The following CNTN4 variants were observed in gnomAD, a reference collection of about 807,000 sequenced individuals.
CNTN4 encodes the protein contactin-4.
A neutral mutation model predicts 122.5 loss-of-function variants in CNTN4; 77 were observed. That is an observed-to-expected ratio of 0.63 (90% confidence interval 0.52 to 0.76). The LOEUF (loss-of-function observed/expected upper bound fraction) is 0.76, where lower values mean the gene tolerates loss of function less well. Ranked by LOEUF, CNTN4 falls within the 30% of genes least tolerant of loss-of-function variation. The probability of loss-of-function intolerance (pLI) is 0.00; values close to 1 mark genes in which losing one functional copy is unlikely to be tolerated. For synonymous variants in CNTN4, 512 were observed against 447.0 expected (o/e 1.15, Z -1.83); for missense variants, 1,256 against 1,259.1 (o/e 1.00, Z 0.04).
intron 2 of CNTN4, among the ~76,000 whole-genome samples, chr3:2,150,833 A>C (rs939613982): frequency 6.6e-6 from 1 of 152,164 alleles, no homozygotes; most frequent in Non-Finnish European, 1.5e-5. Flanking sequence ...TAATTTCTTA[A>C]AGCTTGCCCT....
chr3:2,377,613 G>C (rs1042112817), intron 3 of CNTN4, among the ~76,000 whole-genome samples: 2 of 152,214 alleles, frequency 1.3e-5, no homozygotes, highest in African/African-American at 2.4e-5. Context: ...CTCTGAAGCT[G>C]AGACAGTAAA....
chr3:2,662,233 T>C (rs529228382), intron 4 of CNTN4, among the ~76,000 whole-genome samples: 1 of 152,330 alleles, frequency 6.6e-6, no homozygotes, highest in East Asian at 1.9e-4. Context: ...CACCTTGCTG[T>C]TGAAGAGTAG....
rs28649100 is a variant in CNTN4, at chr3:2,970,132, C to T, written c.1359-18213C>T. ...TAAGAGAGACAGTCTTGCTCTGTCG[C>T]CCAGGCTGGAGTGCAGCAGCAGCAT... On this transcript the variant is annotated intron_variant, in intron 13 of 24. Coordinates refer to ENST00000418658, the MANE Select transcript of CNTN4 (RefSeq NM_175607.3). Among the ~76,000 whole-genome samples, 583 of 151,790 alleles carry T rather than the reference C, an allele frequency of 3.8e-3. 6 individuals are homozygous for T. The highest frequency in any genetic ancestry group is 0.013 in the African/African-American group (528 of 41,502).
At chr3:2,586,091 C>T (rs2080190911) in intron 4 of CNTN4, among the ~76,000 whole-genome samples, 1 of 151,978 alleles carries the variant, frequency 6.6e-6, no homozygotes, top group Non-Finnish European at 1.5e-5. Flanking sequence ...AATATTGGTA[C>T]CTCTGTACCT....
chr3:2,166,825 A>C (rs2036214070), intron 2 of CNTN4, among the ~76,000 whole-genome samples: 1 of 152,164 alleles, frequency 6.6e-6, no homozygotes, highest in Non-Finnish European at 1.5e-5. Flanking sequence ...TTATATATTT[A>C]AAGATTACCA....
intron 3 of CNTN4, among the ~76,000 whole-genome samples, chr3:2,476,490 A>G (rs561549830): frequency 1.3e-5 from 2 of 152,366 alleles, no homozygotes; most frequent in Admixed American, 1.3e-4. Flanking sequence ...CTGTTCAGCA[A>G]TAAAAGGAAC....
intron 2 of CNTN4, among the ~76,000 whole-genome samples, chr3:2,173,202 A>G (rs769420256): frequency 1.3e-5 from 2 of 152,226 alleles, no homozygotes; most frequent in Non-Finnish European, 2.9e-5. Flanking sequence ...AAGAACTCCT[A>G]ACGAGGACAC....
intron 4 of CNTN4, among the ~76,000 whole-genome samples, chr3:2,699,285 G>C (rs1420034412): frequency 6.6e-6 from 1 of 152,068 alleles, no homozygotes; most frequent in African/African-American, 2.4e-5. Flanking sequence ...ATGTGTTTTT[G>C]TGATGGTTTC....
At chr3:2,450,749 C>G (rs753089479) in intron 3 of CNTN4, among the ~76,000 whole-genome samples, 1 of 152,236 alleles carries the variant, frequency 6.6e-6, no homozygotes, top group Non-Finnish European at 1.5e-5. Context: ...AAAGCCCCCA[C>G]TTTGAATTAA....
chr3:2,563,779 A>C (rs2079050031), intron 3 of CNTN4, among the ~76,000 whole-genome samples: 1 of 152,190 alleles, frequency 6.6e-6, no homozygotes, highest in African/African-American at 2.4e-5. Flanking sequence ...AATACTTATT[A>C]AAAATGATGG....
intron 2 of CNTN4, among the ~76,000 whole-genome samples, chr3:2,328,984 C>T (rs1184289248): frequency 2.0e-5 from 3 of 152,018 alleles, no homozygotes; most frequent in African/African-American, 7.2e-5. Context: ...TATAAATCTA[C>T]TGGGTTTTAA....
rs534926627 is a variant in CNTN4 at position 2,709,498 on chromosome 3, G to T, written c.56-26717G>T. On this transcript the variant is annotated intron_variant, in intron 4 of 24. Transcript: ENST00000418658. This position sits in a 1 kb window ranked among gnomAD's most constrained non-coding sequence, Gnocchi z 5.0. ...GAAACCTAATCCCCGCAATTACAGG[G>T]TTTTATATCGTTTGCCTCAGGCTAA... Among the ~76,000 whole-genome samples the T allele has an allele frequency of 1.5e-3, 223 of 152,218 alleles. 4 individuals carry two copies. In the South Asian group the frequency reaches 0.03, roughly 20 times the overall value.
At chr3:2,450,549 T>C (rs1223426937) in intron 3 of CNTN4, among the ~76,000 whole-genome samples, 1 of 152,124 alleles carries the variant, frequency 6.6e-6, no homozygotes, top group Non-Finnish European at 1.5e-5. Flanking sequence ...TTAGCATAGC[T>C]ATTTGGCAGT....
intron 13 of CNTN4, among the ~76,000 whole-genome samples, chr3:2,947,858 A>G (rs997489329): frequency 6.6e-6 from 1 of 152,224 alleles, no homozygotes; most frequent in African/African-American, 2.4e-5. Context: ...TAAAACGGAG[A>G]ATTAAACTTG....
At chr3:2,258,766 T>C (rs2149730442) in intron 2 of CNTN4, among the ~76,000 whole-genome samples, 1 of 152,142 alleles carries the variant, frequency 6.6e-6, no homozygotes, top group African/African-American at 2.4e-5. Context: ...TAGTCTGAGT[T>C]CCTAACCTTT....
At chr3:2,367,733 C>T (rs2045451641) in intron 3 of CNTN4, among the ~76,000 whole-genome samples, 2 of 152,264 alleles carry the variant, frequency 1.3e-5, no homozygotes, top group South Asian at 4.1e-4. Context: ...AATCCACCTG[C>T]CTGGGCCTCC....
intron 14 of CNTN4, among the ~76,000 whole-genome samples, chr3:3,013,614 AG>A (rs1277339601): frequency 6.6e-6 from 1 of 151,892 alleles, no homozygotes; most frequent in Non-Finnish European, 1.5e-5. Flanking sequence ...GATTGTAAAA[AG>A]TGTCAGGTCC....
At chr3:2,328,331 G>T (rs940307485) in intron 2 of CNTN4, among the ~76,000 whole-genome samples, 1 of 150,420 alleles carries the variant, frequency 6.6e-6, no homozygotes, top group Non-Finnish European at 1.5e-5. Context: ...GCGGGAACCC[G>T]GGAGGCGGAG....
intron 2 of CNTN4, among the ~76,000 whole-genome samples, chr3:2,141,856 C>T (rs897178371): frequency 6.6e-6 from 1 of 151,988 alleles, no homozygotes; most frequent in Non-Finnish European, 1.5e-5. Context: ...ATGTTTAAAC[C>T]TTTTGACAGT....
Sources: allele counts gnomAD v4.1 joint callset (sites outside exome capture counted in the v4.1 genomes callset), GRCh38; gene constraint gnomAD v4.1.1; non-coding constraint Gnocchi (gnomAD v3.1); transcripts MANE v1.5; gene names NCBI Gene and HGNC (gene_info 2026-07-23, HGNC 2026-07-21).